Variants in CENATAC observed in about 807,000 individuals in gnomAD.
CENATAC encodes the protein centrosomal AT-AC splicing factor.
A neutral mutation model predicts 53.7 loss-of-function variants in CENATAC; 53 were observed. The ratio of observed to expected loss-of-function variants is 0.99; its 90% CI spans 0.79 to 1.24. The LOEUF (loss-of-function observed/expected upper bound fraction) is 1.24, where lower values mean the gene tolerates loss of function less well. Among genes scored for constraint, CENATAC ranks in the 50% most tolerant of loss-of-function variants. CENATAC has a pLI of 0.00. For missense variants in CENATAC, 474 were observed against 417.8 expected (o/e 1.13, Z -1.17); for synonymous variants, 156 against 144.6 (o/e 1.08, Z -0.57).
intron 3 of CENATAC, among the ~76,000 whole-genome samples, chr11:119,007,356 G>A (rs1942653750): frequency 6.6e-6 from 1 of 152,002 alleles, no homozygotes; most frequent in South Asian, 2.1e-4. Flanking sequence ...GCTCATTTTT[G>A]TACTTTCAAT....
rs1411325072 is a variant in CENATAC, at chr11:118,998,478, G to A, written c.169G>A (p.Val57Met). Residue 57 changes from valine to methionine, a missense_variant, in exon 2 of 11, where the codon GTG (valine) becomes ATG (methionine). Coordinates refer to ENST00000334418, the MANE Select transcript of CENATAC (RefSeq NM_198489.3). ...AIRAAQVERY[V>M]PEHERCCWCL... The stretch of plus-strand genomic sequence containing the variant: ...CCGCGCCGCTCAGGTGGAGCGCTAT[G>A]TGCCCGAACACGAGCGATGCTGCTG... The A allele has an allele frequency of 1.2e-6, 2 of 1,613,362 alleles. No homozygotes were observed. Among genetic ancestry groups the A allele is most frequent in the East Asian group, 2.2e-5 (1 of 44,874 alleles).
At chr11:119,001,221 T>C (rs551000691) in intron 3 of CENATAC, among the ~76,000 whole-genome samples, 2 of 152,204 alleles carry the variant, frequency 1.3e-5, no homozygotes, top group African/African-American at 2.4e-5. Context: ...TTTAAGCAGA[T>C]ACAACACTTG....
chr11:119,001,861 A>G (rs1942314663), intron 3 of CENATAC: 1 of 320,606 alleles, frequency 3.1e-6, no homozygotes, highest in African/African-American at 2.2e-5. Flanking sequence ...GTTTGAGGCC[A>G]TCCTGGGCAG....
At chr11:119,012,108 G>A (rs375272639) in intron 6 of CENATAC, 41 bp from the exon 7 acceptor site, 15 of 1,613,840 alleles carry the variant, frequency 9.3e-6, no homozygotes, top group Non-Finnish European at 1.1e-5. Flanking sequence ...CACCCTCATG[G>A]CTCAAGGACC....
At chr11:119,015,504 T>G (rs1473258750) in intron 10 of CENATAC, 34 bp from the exon 11 acceptor site, 6 of 1,613,988 alleles carry the variant, frequency 3.7e-6, no homozygotes, top group Non-Finnish European at 5.1e-6. Context: ...GATGTCACCC[T>G]TCATCATCGT....
intron 3 of CENATAC, chr11:119,010,563 A>G: frequency 1.8e-6 from 1 of 546,662 alleles, no homozygotes; most frequent in Non-Finnish European, 3.3e-6. Context: ...GGCAAAAAGG[A>G]CGTGTGTCTG....
intron 7 of CENATAC, chr11:119,012,623 A>G (rs59444237): frequency 0.023 from 4,233 of 187,968 alleles, 165 homozygotes; most frequent in African/African-American, 0.09. Flanking sequence ...CAAGCGGTCA[A>G]TTTTAACCTG....
chr11:118,998,636 A>G (rs890964163), intron 2 of CENATAC, 43 bp downstream of exon 2: 1 of 1,542,790 alleles, frequency 6.5e-7, no homozygotes, highest in African/African-American at 1.4e-5. Flanking sequence ...AGACGCATAC[A>G]TATACGGGAG....
At chr11:119,008,566 C>A (rs1205655013) in intron 3 of CENATAC, among the ~76,000 whole-genome samples, 1 of 152,158 alleles carries the variant, frequency 6.6e-6, no homozygotes, top group African/African-American at 2.4e-5. Context: ...AATGTACAAT[C>A]GGGTTTTAAG....
chr11:119,002,198 T>C (rs1181260311), intron 3 of CENATAC, among the ~76,000 whole-genome samples: 1 of 114,360 alleles, frequency 8.7e-6, no homozygotes, highest in Non-Finnish European at 1.6e-5. Context: ...CACTGCAGCC[T>C]GGGCAACAAG....
intron 3 of CENATAC, among the ~76,000 whole-genome samples, chr11:118,999,730 C>T (rs1456996549): frequency 3.9e-5 from 6 of 152,238 alleles, no homozygotes; most frequent in Admixed American, 2.6e-4. Context: ...GCAAGCTCTG[C>T]CTCCTGGGTT....
intron 3 of CENATAC, chr11:119,003,253 T>C (rs1592054539): frequency 1.9e-6 from 1 of 532,176 alleles, no homozygotes; most frequent in East Asian, 4.9e-5. Flanking sequence ...CAAGCTTGTT[T>C]CTCCTGGGGG....
rs1327297487 is a variant in CENATAC at position 119,011,979 on chromosome 11, C to G, written c.554C>G (p.Pro185Arg). ...VPDPEEGSSA[P>R]RSWKGMNSQV... ...GACCCAGAAGAGGGCTCTTCAGCAC[C>G]TAGAAGCTGGAAAGGGATGAACAGG... Residue 185 changes from proline (P) to arginine (R), a missense_variant, in exon 6 of 11, where the codon CCT becomes CGT. By Grantham distance (103) the Pro-to-Arg change is moderately radical (BLOSUM62 -2). Transcript: ENST00000334418. The G allele has an allele frequency of 1.9e-6, 3 of 1,613,956 alleles. No individual in the cohort carries two copies. The highest frequency in any genetic ancestry group is 2.5e-6 in the Non-Finnish European group (3 of 1,179,972).
intron 7 of CENATAC, chr11:119,012,935 C>G: frequency 2.9e-6 from 1 of 340,074 alleles, no homozygotes; most frequent in Non-Finnish European, 5.3e-6. Flanking sequence ...GTGCTTAATG[C>G]TCTTCCCCAA....
intron 3 of CENATAC, chr11:119,010,333 A>G (rs1330034471): frequency 3.7e-5 from 6 of 161,100 alleles, no homozygotes; most frequent in African/African-American, 1.4e-4. Flanking sequence ...AGAAGGCATA[A>G]TGCACGTTTT....
Position 118,998,327 on chromosome 11 carries a change from C to G in CENATAC, c.120+10C>G. The stretch of plus-strand genomic sequence containing the variant: ...GAGGCTCCTGCCCCAGGTGCGGAGG[C>G]AAGGCTAGAGATGGGATGGGAGTGC... On this transcript the variant is annotated intron_variant, in intron 1 of 10. Transcript: ENST00000334418. The G allele has an allele frequency of 6.2e-7, 1 of 1,610,986 alleles. No homozygotes were observed. Among genetic ancestry groups the G allele is most frequent in the Non-Finnish European group, 8.5e-7 (1 of 1,178,634 alleles).
chr11:118,999,511 T>C (rs1942182427), intron 3 of CENATAC, among the ~76,000 whole-genome samples: 1 of 152,196 alleles, frequency 6.6e-6, no homozygotes, highest in Non-Finnish European at 1.5e-5. Context: ...CAGGCTGGAG[T>C]GCAATGGCAC....
Position 119,002,945 on chromosome 11 carries a change from C to T in CENATAC, c.383+3836C>T, listed in dbSNP as rs566810170. On this transcript the variant is annotated intron_variant, in intron 3 of 10. Coordinates refer to ENST00000334418, the MANE Select transcript of CENATAC (RefSeq NM_198489.3). Reference sequence around the variant, plus strand: ...GTATTACAGGCATGCGCCACCATGCCTTGATAATTTTTTTTTTAATGGTGA... The same window carrying T: ...GTATTACAGGCATGCGCCACCATGCTTTGATAATTTTTTTTTTAATGGTGA... The T allele has an allele frequency of 6.6e-5, 28 of 424,818 alleles. No individual in the cohort carries two copies. The East Asian group carries it at 1.6e-3, about 24-fold the overall frequency. The allele number at this position is 424,818 out of a possible 1,614,324, so 26.3% of individuals were successfully genotyped here.
chr11:119,014,757 A>G, intron 8 of CENATAC: 1 of 341,000 alleles, frequency 2.9e-6, no homozygotes, highest in African/African-American at 2.1e-5. Flanking sequence ...AAAGTCACCA[A>G]ATTTAAGTGT....
Sources: gnomAD v4.1 joint callset for allele counts (sites outside exome capture counted in the v4.1 genomes callset) on GRCh38, gnomAD v4.1.1 for gene constraint, MANE v1.5 for transcripts, NCBI Gene and HGNC (gene_info 2026-07-23, HGNC 2026-07-21) for gene names.